Variants in SNAP91 observed in about 807,000 individuals in gnomAD.
SNAP91 encodes the protein clathrin coat assembly protein AP180.
SNAP91 carries 27 observed loss-of-function variants against 100.3 expected under a neutral mutation model. The ratio of observed to expected loss-of-function variants is 0.27; its 90% CI spans 0.20 to 0.37. The LOEUF is 0.37. SNAP91 is among the 10% of genes least tolerant of loss of function. SNAP91 has a pLI of 1.00. For missense variants in SNAP91, 986 were observed against 1,123.7 expected, an observed-to-expected ratio of 0.88 and a Z score of 1.75; for synonymous variants, 404 against 398.6, an observed-to-expected ratio of 1.01 and a Z score of -0.16.
chr6:83,554,586 C>A (rs1446846512), intron 29 of SNAP91, among the ~76,000 whole-genome samples: 1 of 152,078 alleles, frequency 6.6e-6, no homozygotes, highest in African/African-American at 2.4e-5. Flanking sequence ...GCAGGACATT[C>A]GGTATAGCAT....
rs1270186419 is a variant in SNAP91 at position 83,623,474 on chromosome 6, C to T, written c.766-132G>A. The T allele has an allele frequency of 9.1e-6, 6 of 658,310 alleles. No homozygotes were observed. The East Asian group carries it at 1.1e-4, about 12-fold the overall frequency. The allele number at this position is 658,310 out of a possible 1,614,324, so 40.8% of individuals were successfully genotyped here. The stretch of plus-strand genomic sequence containing the variant: ...AATGAATTATTTTATGTATCACTCT[C>T]ACTTGGAACATATGCTTTTTATGCA... On this transcript the variant is annotated intron_variant, in intron 8 of 29. Transcript: ENST00000369694.
Position 83,593,728 on chromosome 6 carries a change from C to T in SNAP91, c.1446G>A (p.Pro482=), listed in dbSNP as rs62000381. 6.3e-4 allele frequency: 998 copies of T among 1,583,714 alleles called. 6 individuals carry two copies. In the African/African-American group the frequency reaches 0.012, roughly 18 times the overall value. The stretch of plus-strand genomic sequence containing the variant: ...GTGCAGCCTCTGCACTACCTTCAGA[C>T]GGGGCAAAGGGGTCTTTTGGAAAGG... ...DACSGNDPFA[P]SEGSAEAAPE... Residue 482 remains proline (P), a synonymous_variant, in exon 18 of 30, where the codon CCG becomes CCA. Coordinates refer to ENST00000369694, the MANE Select transcript of SNAP91 (RefSeq NM_001242792.2).
At chr6:83,638,918 T>C (rs1314707815) in intron 8 of SNAP91, among the ~76,000 whole-genome samples, 1 of 152,218 alleles carries the variant, frequency 6.6e-6, no homozygotes, top group African/African-American at 2.4e-5. Flanking sequence ...AGAAGAGTAT[T>C]TAGCAGAAAT....
At chr6:83,649,880 C>T (rs563887417) in intron 7 of SNAP91, among the ~76,000 whole-genome samples, 10 of 152,184 alleles carry the variant, frequency 6.6e-5, no homozygotes, top group Middle Eastern at 3.4e-3. Context: ...TGAGCCACCA[C>T]GCCCAGCCAA....
intron 11 of SNAP91, among the ~76,000 whole-genome samples, chr6:83,613,749 T>A (rs140797907): frequency 1.3e-5 from 2 of 152,360 alleles, no homozygotes; most frequent in East Asian, 3.9e-4. Context: ...AAATTGCTCT[T>A]CTTATGTGTT....
intron 23 of SNAP91, among the ~76,000 whole-genome samples, 178 bp downstream of exon 23, chr6:83,582,044 A>G (rs1397295148): frequency 1.3e-5 from 2 of 151,800 alleles, no homozygotes; most frequent in Non-Finnish European, 2.9e-5. Context: ...ATGGATACCA[A>G]TGTGTACTAT....
chr6:83,602,986 CTTAAAG>C lies in SNAP91; in HGVS notation c.1142-1393_1142-1388del, dbSNP rs1032467327. On this transcript the variant is annotated intron_variant, in intron 14 of 29. Coordinates refer to ENST00000369694, the MANE Select transcript of SNAP91 (RefSeq NM_001242792.2). ...AACATTCTGCATGTGTATCCCAGAACTTAAAGTTAAAAAAGAAAGAAATAAGAAAGT... is the reference window on the plus strand; with the variant it reads ...AACATTCTGCATGTGTATCCCAGAACTTAAAAAAGAAAGAAATAAGAAAGT... Among the ~76,000 whole-genome samples, 31 of 152,158 alleles carry C rather than the reference CTTAAAG, an allele frequency of 2.0e-4. No individual in the cohort carries two copies. The East Asian group carries it at 5.4e-3, about 27-fold the overall frequency.
At chr6:83,650,640 ACCCCTGACTTCAAGTGATCCAT>A (rs1178229576) in intron 7 of SNAP91, among the ~76,000 whole-genome samples, 2 of 152,094 alleles carry the variant, frequency 1.3e-5, no homozygotes, top group Non-Finnish European at 2.9e-5. Flanking sequence ...CTGGTCTCGA[ACCCCTGACTTCAAGTGATCCAT>A]CCCCCTTGGC....
At chr6:83,595,940 C>T (rs2094429125) in intron 16 of SNAP91, among the ~76,000 whole-genome samples, 1 of 152,118 alleles carries the variant, frequency 6.6e-6, no homozygotes, top group Non-Finnish European at 1.5e-5. Flanking sequence ...GGTTAAAAGG[C>T]CCTTTACCAA....
chr6:83,607,306 T>C (rs891460438), intron 13 of SNAP91, among the ~76,000 whole-genome samples: 1 of 149,562 alleles, frequency 6.7e-6, no homozygotes, highest in Admixed American at 6.7e-5. Flanking sequence ...ACTAGCTAAT[T>C]GGTCAAACAA....
chr6:83,555,127 G>A (rs1775955249), intron 29 of SNAP91, among the ~76,000 whole-genome samples: 1 of 151,972 alleles, frequency 6.6e-6, no homozygotes, highest in East Asian at 1.9e-4. Context: ...GTCTACATTA[G>A]CCAATCCAAA....
At chr6:83,663,025 G>A (rs1161278000) in intron 3 of SNAP91, among the ~76,000 whole-genome samples, 1 of 151,968 alleles carries the variant, frequency 6.6e-6, no homozygotes, top group Non-Finnish European at 1.5e-5. Flanking sequence ...ATCTGTTTTG[G>A]TGATCTGTCA....
At chr6:83,638,921 G>A (rs2097565894) in intron 8 of SNAP91, among the ~76,000 whole-genome samples, 1 of 152,148 alleles carries the variant, frequency 6.6e-6, no homozygotes, top group African/African-American at 2.4e-5. Flanking sequence ...AGAGTATTTA[G>A]CAGAAATATA....
At chr6:83,649,363 C>T (rs912012412) in intron 7 of SNAP91, among the ~76,000 whole-genome samples, 2 of 152,160 alleles carry the variant, frequency 1.3e-5, no homozygotes, top group African/African-American at 4.8e-5. Flanking sequence ...TTGTATGGAA[C>T]TCTCTACAGG....
At chr6:83,648,171 A>G (rs1285088057) in intron 7 of SNAP91, among the ~76,000 whole-genome samples, 1 of 152,212 alleles carries the variant, frequency 6.6e-6, no homozygotes, top group Non-Finnish European at 1.5e-5. Context: ...ACTGTAAGTT[A>G]GTTTGCATTT....
At chr6:83,672,693 A>C (rs1442854252) in intron 2 of SNAP91, among the ~76,000 whole-genome samples, 1 of 152,192 alleles carries the variant, frequency 6.6e-6, no homozygotes, top group African/African-American at 2.4e-5. Flanking sequence ...GCCTGAATCT[A>C]AAATACTTTC....
At chr6:83,557,481 A>T (rs1201760498) in intron 28 of SNAP91, among the ~76,000 whole-genome samples, 4 of 151,970 alleles carry the variant, frequency 2.6e-5, no homozygotes, top group African/African-American at 9.7e-5. Context: ...CACCCTGGGC[A>T]ACAAGGCAAG....
At chr6:83,657,318 A>G (rs1445185725) in intron 6 of SNAP91, among the ~76,000 whole-genome samples, 1 of 152,192 alleles carries the variant, frequency 6.6e-6, no homozygotes, top group Non-Finnish European at 1.5e-5. Flanking sequence ...CTAGAGACTC[A>G]TAACTGTTCA....
intron 2 of SNAP91, chr6:83,686,173 A>C: frequency 2.0e-6 from 2 of 985,286 alleles, no homozygotes; most frequent in Non-Finnish European, 2.4e-6. Flanking sequence ...CACAATCAAC[A>C]CTGTTTTTTG....
Sources: gnomAD v4.1 joint callset for allele counts (sites outside exome capture counted in the v4.1 genomes callset) on GRCh38, gnomAD v4.1.1 for gene constraint, MANE v1.5 for transcripts, NCBI Gene and HGNC (gene_info 2026-07-23, HGNC 2026-07-21) for gene names.